The following ZIC5 variants were observed in gnomAD, a reference collection of about 807,000 sequenced individuals.
ZIC5 encodes Zic family zinc finger 5.
A neutral mutation model predicts 28.5 loss-of-function variants in ZIC5; 20 were observed. The ratio of observed to expected loss-of-function variants is 0.70; its 90% CI spans 0.49 to 1.02. The LOEUF (loss-of-function observed/expected upper bound fraction) is 1.02. Among genes scored for constraint, ZIC5 ranks in the 50% least tolerant of loss-of-function variants. The pLI is 0.00. For synonymous variants in ZIC5, 488 were observed against 410.4 expected, an observed-to-expected ratio of 1.19 and a Z score of -2.29; for missense variants, 951 against 899.7, an observed-to-expected ratio of 1.06 and a Z score of -0.73.
At position 99,970,413 on chromosome 13, in the gene ZIC5, TGGCGGCGGCGGCGGCGGCGGC is replaced by T. The variant is rs71114653; in HGVS notation, c.1170_1190del (p.Pro394_Pro400del). 9,592 of 1,106,640 alleles carry T rather than the reference TGGCGGCGGCGGCGGCGGCGGC, an allele frequency of 8.7e-3. 1,781 individuals carry two copies. Among genetic ancestry groups the T allele is most frequent in the South Asian group, 0.044 (1,520 of 34,586 alleles). The allele number at this position is 1,106,640 out of a possible 1,614,324, so 68.6% of individuals were successfully genotyped here. Reference sequence around the variant, plus strand: ...GCTTGGCGCCGCCGGCCGGGGGCGGTGGCGGCGGCGGCGGCGGCGGCGGCGGCGGCGGCGGCAGCCCGGCCA... The same window carrying T: ...GCTTGGCGCCGCCGGCCGGGGGCGGTGGCGGCGGCGGCGGCAGCCCGGCCA... On this transcript the variant is annotated inframe_deletion, in exon 1 of 2. Transcript: ENST00000267294.
At chr13:99,966,301 A>T (rs992876032) in intron 1 of ZIC5, among the ~76,000 whole-genome samples, 3 of 152,250 alleles carry the variant, frequency 2.0e-5, no homozygotes, top group African/African-American at 7.2e-5. Flanking sequence ...AATTAAAAGT[A>T]AACTGGGGGG....
At position 99,967,748 on chromosome 13, in the gene ZIC5, A is replaced by G. The variant is rs991953156; in HGVS notation, c.1478-1929T>C. Among the ~76,000 whole-genome samples the G allele has an allele frequency of 1.1e-4, 17 of 152,348 alleles. 3 individuals carry two copies. Among genetic ancestry groups the G allele is most frequent in the Admixed American group, 2.6e-4 (4 of 15,304 alleles). ...ACAGATGTCGTGGAAGGAAAGGTAG[A>G]ACATTAGAGTTAAATAAAGGAAGAG... On this transcript the variant is annotated intron_variant, in intron 1 of 1. Coordinates refer to ENST00000267294, the MANE Select transcript of ZIC5 (RefSeq NM_033132.5).
Position 99,970,666 on chromosome 13 carries a change from G to C in ZIC5, c.938C>G (p.Ala313Gly). 1 of 1,162,118 alleles carries C rather than the reference G, an allele frequency of 8.6e-7. No individual in the cohort carries two copies. Among genetic ancestry groups the C allele is most frequent in the Non-Finnish European group, 1.1e-6 (1 of 935,328 alleles). 72.0% of individuals were successfully genotyped at this position (1,162,118 alleles called of 1,614,324 possible). The change falls in exon 1 of 2, where the codon GCG becomes GGG. Residue 313 changes from alanine (A) to glycine (G), a missense_variant. By Grantham distance (60) the Ala-to-Gly change is moderately conservative. Transcript: ENST00000267294. ...GGCCGCTGCTGCGGCCGCCGCAGCC[G>C]CCAGGTTCAGGTTTAAGTTCACGGC... ...YGAVNLNLNL[A>G]AAAAAAAAGP...
At position 99,963,971 on chromosome 13, in the gene ZIC5, A is replaced by G. The variant is rs2053077072; in HGVS notation, c.*1406T>C. ...ATCTGTAGGATGTTTCTGATGGACT[A>G]CATTTTGCACAGGAGATGTGTTGTA... On this transcript the variant is annotated 3_prime_UTR_variant, in exon 2 of 2. Coordinates refer to ENST00000267294, the MANE Select transcript of ZIC5 (RefSeq NM_033132.5). 1 of 152,584 alleles carries G rather than the reference A, an allele frequency of 6.6e-6. No homozygotes were observed. The highest frequency in any genetic ancestry group is 2.4e-5 in the African/African-American group (1 of 41,454). 9.5% of individuals were successfully genotyped at this position (152,584 alleles called of 1,614,324 possible).
In ZIC5 at chr13:99,970,790, G is replaced by C; in HGVS notation, c.814C>G (p.Leu272Val). Residue 272 changes from leucine to valine, a missense_variant, in exon 1 of 2, where the codon CTG (leucine) becomes GTG (valine). Leu to Val is a conservative substitution (Grantham distance 32). This residue lies in a region of ZIC5 where 784 missense variants were observed against 660.1 expected (regional missense o/e 1.19). Transcript: ENST00000267294. ...AAGGGCGGTTCGGCGCGGCCGTACA[G>C]CTCAGCCGCCGCGGCTGCCGCTGCC... ...AAAAAAAAAELYGRAEPPFAP... is the reference protein window; with the variant it reads ...AAAAAAAAAEVYGRAEPPFAP... 1 of 1,194,948 alleles carries C rather than the reference G, an allele frequency of 8.4e-7. No individual in the cohort carries two copies. The highest frequency in any genetic ancestry group is 1.0e-6 in the Non-Finnish European group (1 of 968,566). The allele number at this position is 1,194,948 out of a possible 1,614,324, so 74.0% of individuals were successfully genotyped here.
At position 99,971,340 on chromosome 13, in the gene ZIC5, C is replaced by G. The variant is rs1217042848; in HGVS notation, c.264G>C (p.Pro88=). The change falls in exon 1 of 2, where the codon CCG becomes CCC. Residue 88 remains proline, a synonymous_variant. Transcript: ENST00000267294. ...CGGCTGCCGGAGCCTCCGGGTGTGC[C>G]GGGAACGCCTGGGAGGGAGGGCTGA... ...LGLSPPSQAF[P]AHPEAPAAAA... is the part of the protein sequence containing the mutation. 4.7e-5 allele frequency: 66 copies of G among 1,407,610 alleles called. No homozygotes were observed. Among genetic ancestry groups the G allele is most frequent in the Non-Finnish European group, 5.5e-5 (60 of 1,092,968 alleles). 87.2% of individuals were successfully genotyped at this position (1,407,610 alleles called of 1,614,324 possible).
Position 99,971,175 on chromosome 13 carries a change from G to T in ZIC5, c.429C>A (p.Pro143=). 1 of 1,345,592 alleles carries T rather than the reference G, an allele frequency of 7.4e-7. No individual in the cohort carries two copies. The highest frequency in any genetic ancestry group is 9.5e-7 in the Non-Finnish European group (1 of 1,053,216). 83.4% of individuals were successfully genotyped at this position (1,345,592 alleles called of 1,614,324 possible). The part of the protein sequence containing the change: ...LPPTPSPPPP[P]PPPPPPALSG... ...AGAGGGCAGGAGGAGGAGGAGGCGG[G>T]GGAGGGGGAGGGGGTGAAGGGGTGG... Residue 143 remains proline, a synonymous_variant, in exon 1 of 2, where the codon CCC becomes CCA. Coordinates refer to ENST00000267294, the MANE Select transcript of ZIC5 (RefSeq NM_033132.5).
rs772502232 is a variant in ZIC5 at position 99,970,580 on chromosome 13, G to A, written c.1024C>T (p.Pro342Ser). 3 of 999,918 alleles carry A rather than the reference G, an allele frequency of 3.0e-6. No individual in the cohort carries two copies. Among genetic ancestry groups the A allele is most frequent in the South Asian group, 4.4e-5 (1 of 22,832 alleles). The allele number at this position is 999,918 out of a possible 1,614,324, so 61.9% of individuals were successfully genotyped here. The stretch of plus-strand genomic sequence containing the variant: ...TGGTGCTGGTGCGGGTGCTGCGCGG[G>A]CGCCGGCGGCGGCGGCGGCGCCGGG... ...PPPAPPPPPA[P>S]AQHPHQHHPH... is the part of the protein sequence containing the mutation. Residue 342 changes from proline (P) to serine (S), a missense_variant, in exon 1 of 2, where the codon CCC (proline) becomes TCC (serine). Around this residue, in one of 3 missense-constraint regions of ZIC5, gnomAD observed 784 missense variants for 660.1 expected, o/e 1.19. Coordinates refer to ENST00000267294, the MANE Select transcript of ZIC5 (RefSeq NM_033132.5).
In ZIC5 at chr13:99,970,293, G is replaced by A. The variant is rs1388089503; in HGVS notation, c.1311C>T (p.Phe437=). ...GGPEQSSHVC[F]WEDCPREGKP... is the part of the protein sequence containing the mutation. ...TGCCCTCGCGCGGACAGTCCTCCCA[G>A]AAGCAGACGTGGCTGCTCTGCTCGG... is the stretch of plus-strand genomic sequence containing the variant. Residue 437 remains phenylalanine (F), a synonymous_variant, in exon 1 of 2, where the codon TTC becomes TTT. Transcript: ENST00000267294. 6.2e-7 allele frequency: 1 copy of A among 1,613,644 alleles called. No individual in the cohort carries two copies. The highest frequency in any genetic ancestry group is 8.5e-7 in the Non-Finnish European group (1 of 1,179,754).
chr13:99,970,202 G>C lies in ZIC5; in HGVS notation c.1402C>G (p.Pro468Ala). 6.2e-7 allele frequency: 1 copy of C among 1,613,544 alleles called. No homozygotes were observed. Among genetic ancestry groups the C allele is most frequent in the Non-Finnish European group, 8.5e-7 (1 of 1,179,774 alleles). ...TTGCCGCAGCCGGGGAAAGGGCAGGGAAAGGGCTTCTCGCCGGTGTGCACG... is the reference window on the plus strand; with the variant it reads ...TTGCCGCAGCCGGGGAAAGGGCAGGCAAAGGGCTTCTCGCCGGTGTGCACG... ...IRVHTGEKPF[P>A]CPFPGCGKVF... is the part of the protein sequence containing the mutation. Residue 468 changes from proline (P) to alanine (A), a missense_variant, in exon 1 of 2, where the codon CCC becomes GCC. Coordinates refer to ENST00000267294, the MANE Select transcript of ZIC5 (RefSeq NM_033132.5).
intron 1 of ZIC5, among the ~76,000 whole-genome samples, chr13:99,969,443 C>T (rs1316088382): frequency 6.6e-6 from 1 of 151,512 alleles, no homozygotes; most frequent in Non-Finnish European, 1.5e-5. Flanking sequence ...GGGGTGCACG[C>T]GCAGGAGGAT....
chr13:99,965,537 C>G lies in ZIC5; in HGVS notation c.1760G>C (p.Ser587Thr), dbSNP rs2053093891. 3 of 1,613,392 alleles carry G rather than the reference C, an allele frequency of 1.9e-6. No homozygotes were observed. The highest frequency in any genetic ancestry group is 2.5e-6 in the Non-Finnish European group (3 of 1,179,598). Residue 587 changes from serine to threonine, a missense_variant, in exon 2 of 2, where the codon AGC becomes ACC. Physicochemically the swap from Ser to Thr is moderately conservative, Grantham distance 58 (BLOSUM62 1). Coordinates refer to ENST00000267294, the MANE Select transcript of ZIC5 (RefSeq NM_033132.5). Reference protein sequence around the residue: ...PVLDPARSHSSTLSPQVTNLN... With the variant: ...PVLDPARSHSTTLSPQVTNLN... ...GTTGGTCACCTGAGGGGACAGAGTG[C>G]TGGAGTGACTCCTGGCTGGGTCCAG...
At position 99,963,888 on chromosome 13, in the gene ZIC5, A is replaced by G. The variant is rs1017462968; in HGVS notation, c.*1489T>C. 3 of 152,368 alleles carry G rather than the reference A, an allele frequency of 2.0e-5. No homozygotes were observed. The highest frequency in any genetic ancestry group is 7.2e-5 in the African/African-American group (3 of 41,456). The allele number at this position is 152,368 out of a possible 1,614,324, so 9.4% of individuals were successfully genotyped here. ...ACAGCACACAAAACAAATTTCTACA[A>G]ACCCTGGGGAGGGGGTGTCTTCGGG... is the stretch of plus-strand genomic sequence containing the variant. On this transcript the variant is annotated 3_prime_UTR_variant, in exon 2 of 2. Transcript: ENST00000267294.
At position 99,971,337 on chromosome 13, in the gene ZIC5, T is replaced by A; in HGVS notation, c.267A>T (p.Ala89=). The A allele has an allele frequency of 7.1e-7, 1 of 1,402,926 alleles. No homozygotes were observed. The highest frequency in any genetic ancestry group is 9.2e-7 in the Non-Finnish European group (1 of 1,090,574). 86.9% of individuals were successfully genotyped at this position (1,402,926 alleles called of 1,614,324 possible). ...CGGCGGCTGCCGGAGCCTCCGGGTGTGCCGGGAACGCCTGGGAGGGAGGGC... is the reference window on the plus strand; with the variant it reads ...CGGCGGCTGCCGGAGCCTCCGGGTGAGCCGGGAACGCCTGGGAGGGAGGGC... ...GLSPPSQAFP[A]HPEAPAAAAR... Residue 89 remains alanine (A), a synonymous_variant, in exon 1 of 2, where the codon GCA becomes GCT. Transcript: ENST00000267294.
Position 99,964,788 on chromosome 13 carries a change from T to C in ZIC5, c.*589A>G, listed in dbSNP as rs562769260. On this transcript the variant is annotated 3_prime_UTR_variant, in exon 2 of 2. Coordinates refer to ENST00000267294, the MANE Select transcript of ZIC5 (RefSeq NM_033132.5). The stretch of plus-strand genomic sequence containing the variant: ...ACTCAAAGGGTTTTTACAAATGTTT[T>C]TGGACACAGGTACGGAACAGGATCT... 1.3e-5 allele frequency: 2 copies of C among 152,168 alleles called. No homozygotes were observed. Among genetic ancestry groups the C allele is most frequent in the East Asian group, 3.9e-4 (2 of 5,180 alleles). The allele number at this position is 152,168 out of a possible 1,614,324, so 9.4% of individuals were successfully genotyped here.
rs1555331294 is a variant in ZIC5 at position 99,970,583 on chromosome 13, C to G, written c.1021G>C (p.Ala341Pro). 7 of 992,122 alleles carry G rather than the reference C, an allele frequency of 7.1e-6. No individual in the cohort carries two copies. The South Asian group carries it at 2.7e-4, about 38-fold the overall frequency. 61.5% of individuals were successfully genotyped at this position (992,122 alleles called of 1,614,324 possible). ...APPPAPPPPP[A>P]PAQHPHQHHP... ...TGCTGGTGCGGGTGCTGCGCGGGCG[C>G]CGGCGGCGGCGGCGGCGCCGGGGGC... Residue 341 changes from alanine (A) to proline (P), a missense_variant, in exon 1 of 2, where the codon GCG (alanine) becomes CCG (proline). Transcript: ENST00000267294.
chr13:99,967,547 T>C (rs1039322340), intron 1 of ZIC5, among the ~76,000 whole-genome samples: 6 of 152,246 alleles, frequency 3.9e-5, no homozygotes, highest in Non-Finnish European at 8.8e-5. Context: ...CTTTCTTCAA[T>C]ATGGAGGCGT....
At position 99,970,428 on chromosome 13, in the gene ZIC5, C is replaced by T. The variant is rs1190869629; in HGVS notation, c.1176G>A (p.Pro392=). 5.0e-6 allele frequency: 5 copies of T among 990,140 alleles called. 1 individual carries two copies. Among genetic ancestry groups the T allele is most frequent in the Non-Finnish European group, 6.0e-6 (5 of 828,968 alleles). The allele number at this position is 990,140 out of a possible 1,614,324, so 61.3% of individuals were successfully genotyped here. A position where few individuals can be genotyped will look rare whatever the true frequency, so the allele number is the denominator to read the frequency against. The part of the protein sequence containing the change: ...LAGLPPPPPP[P]PPPPPPPPAG... ...CCGGGGGCGGTGGCGGCGGCGGCGG[C>T]GGCGGCGGCGGCGGCGGCGGCAGCC... is the stretch of plus-strand genomic sequence containing the variant. Residue 392 remains proline, a synonymous_variant, in exon 1 of 2, where the codon CCG becomes CCA. Coordinates refer to ENST00000267294, the MANE Select transcript of ZIC5 (RefSeq NM_033132.5).
At position 99,970,794 on chromosome 13, in the gene ZIC5, AGCCGCCGCGGCTGCCGCTGCC is replaced by A; in HGVS notation, c.789_809del (p.Ala264_Ala270del). 1 of 1,197,408 alleles carries A rather than the reference AGCCGCCGCGGCTGCCGCTGCC, an allele frequency of 8.4e-7. No individual in the cohort carries two copies. Among genetic ancestry groups the A allele is most frequent in the Non-Finnish European group, 1.0e-6 (1 of 970,170 alleles). The allele number at this position is 1,197,408 out of a possible 1,614,324, so 74.2% of individuals were successfully genotyped here. ...GCGGTTCGGCGCGGCCGTACAGCTC[AGCCGCCGCGGCTGCCGCTGCC>A]GCCGCCAGCCCCAGGCGCATCTGGC... On this transcript the variant is annotated inframe_deletion, in exon 1 of 2. Coordinates refer to ENST00000267294, the MANE Select transcript of ZIC5 (RefSeq NM_033132.5).
Sources: allele counts gnomAD v4.1 joint callset (sites outside exome capture counted in the v4.1 genomes callset), GRCh38; gene constraint gnomAD v4.1.1; regional missense constraint gnomAD v4.1.1; transcripts MANE v1.5; gene names NCBI Gene and HGNC (gene_info 2026-07-23, HGNC 2026-07-21).